The following ZNF346 variants were observed in gnomAD, a reference collection of about 807,000 sequenced individuals.
ZNF346 encodes zinc finger protein 346, also known as double-stranded RNA-binding zinc finger protein JAZ.
ZNF346 carries 23 observed loss-of-function variants against 33.7 expected under a neutral mutation model. The ratio of observed to expected loss-of-function variants is 0.68; its 90% confidence interval spans 0.49 to 0.97. The LOEUF is 0.97. ZNF346 is among the 50% of genes least tolerant of loss of function. The pLI is 0.00. For synonymous variants in ZNF346, 134 were observed against 142.4 expected, an observed-to-expected ratio of 0.94 and a Z score of 0.42; for missense variants, 340 against 371.1, an observed-to-expected ratio of 0.92 and a Z score of 0.69.
At chr5:177,044,848 C>T (rs1779824598) in intron 4 of ZNF346, among the ~76,000 whole-genome samples, 1 of 152,208 alleles carries the variant, frequency 6.6e-6, no homozygotes, top group South Asian at 2.1e-4. Flanking sequence ...TCTCCTACCT[C>T]TCCCACTAGA....
At chr5:177,071,546 CGTA>C (rs371024065), downstream of ZNF346, among the ~76,000 whole-genome samples, 797 of 151,470 alleles carry the variant, frequency 5.3e-3, 8 homozygotes, top group African/African-American at 0.019. Context: ...ATTAGCTGGT[CGTA>C]GTGGCGGGTG....
intron 3 of ZNF346, among the ~76,000 whole-genome samples, chr5:177,042,955 G>A (rs912369390): frequency 2.0e-5 from 3 of 152,074 alleles, no homozygotes; most frequent in African/African-American, 7.2e-5. Context: ...GGGTTCAGGC[G>A]ATTCCCCTGC....
intron 1 of ZNF346, chr5:177,023,240 C>T: frequency 6.5e-7 from 1 of 1,532,352 alleles, no homozygotes; most frequent in Non-Finnish European, 8.7e-7. Context: ...TCCCGGTAAG[C>T]CAAGCCGAGT....
chr5:177,029,657 A>G (rs1241486467), intron 1 of ZNF346, among the ~76,000 whole-genome samples: 1 of 152,216 alleles, frequency 6.6e-6, no homozygotes, highest in Non-Finnish European at 1.5e-5. Context: ...AAGAGGACCA[A>G]GATGGCGACT....
intron 8 of ZNF346, among the ~76,000 whole-genome samples, chr5:177,073,088 CTG>C: frequency 6.6e-6 from 1 of 152,300 alleles, no homozygotes; most frequent in East Asian, 1.9e-4. Flanking sequence ...CCTTAATATG[CTG>C]TGTTACGATG....
At chr5:177,052,548 C>G (rs1781100753) in intron 5 of ZNF346, 1 of 152,020 alleles carries the variant, frequency 6.6e-6, no homozygotes, top group Non-Finnish European at 1.5e-5. Context: ...AGATTTGGGC[C>G]AAGGACCCTT....
At chr5:177,041,985 C>T (rs1474688381) in intron 3 of ZNF346, 115 bp downstream of exon 3, 9 of 611,614 alleles carry the variant, frequency 1.5e-5, no homozygotes, top group Admixed American at 2.8e-5. Context: ...TTGTGTGACT[C>T]GGGCAAGTCT....
chr5:177,028,865 G>A (rs1451671247), intron 1 of ZNF346, among the ~76,000 whole-genome samples: 4 of 151,086 alleles, frequency 2.6e-5, no homozygotes, highest in African/African-American at 9.7e-5. Flanking sequence ...GACTATAGGC[G>A]CCCACCACCA....
downstream of ZNF346, among the ~76,000 whole-genome samples, chr5:177,070,481 G>A (rs992405504): frequency 2.6e-5 from 4 of 151,928 alleles, no homozygotes; most frequent in Admixed American, 2.0e-4. Context: ...GCGTAGTGGC[G>A]AAAACTCAGG....
intron 4 of ZNF346, 198 bp from the exon 5 acceptor site, chr5:177,050,553 A>G (rs931569746): frequency 3.3e-6 from 2 of 613,060 alleles, no homozygotes; most frequent in Non-Finnish European, 5.8e-6. Flanking sequence ...TTTCCCAATT[A>G]GAGAATGCAT....
At chr5:177,053,407 G>A (rs1480757983) in intron 5 of ZNF346, among the ~76,000 whole-genome samples, 2 of 150,202 alleles carry the variant, frequency 1.3e-5, no homozygotes, top group Non-Finnish European at 3.0e-5. Context: ...TACCTTGGCC[G>A]CCCAAAGGGC....
chr5:177,026,423 G>A (rs1165714942), intron 1 of ZNF346, among the ~76,000 whole-genome samples: 2 of 142,186 alleles, frequency 1.4e-5, no homozygotes, highest in African/African-American at 2.7e-5. Flanking sequence ...GTGGTGGCAC[G>A]ATCTCAGCTC....
intron 1 of ZNF346, among the ~76,000 whole-genome samples, chr5:177,030,428 G>A (rs1463733253): frequency 6.6e-6 from 1 of 151,574 alleles, no homozygotes; most frequent in Non-Finnish European, 1.5e-5. Context: ...AGACCAGCAT[G>A]GCCAATATGG....
Position 177,064,716 on chromosome 5 carries a change from G to T in ZNF346, c.*117G>T. On this transcript the variant is annotated 3_prime_UTR_variant, in exon 7 of 7. Coordinates refer to ENST00000358149, the MANE Select transcript of ZNF346 (RefSeq NM_012279.4). ...CACCAGGAAAGTACACGGGCCTGAG[G>T]CAGGATTGGGCCACAGACAGCCTCT... The T allele has an allele frequency of 1.3e-6, 1 of 783,738 alleles. No homozygotes were observed. Among genetic ancestry groups the T allele is most frequent in the Non-Finnish European group, 2.2e-6 (1 of 457,626 alleles). The allele number at this position is 783,738 out of a possible 1,614,324, so 48.5% of individuals were successfully genotyped here.
At chr5:177,055,708 A>G (rs1419689871) in intron 5 of ZNF346, among the ~76,000 whole-genome samples, 1 of 152,130 alleles carries the variant, frequency 6.6e-6, no homozygotes, top group African/African-American at 2.4e-5. Flanking sequence ...TAGGAGGCCA[A>G]GATAGGTGGA....
chr5:177,064,357 A>G (rs1388975265), intron 6 of ZNF346, among the ~76,000 whole-genome samples, 155 bp from the exon 7 acceptor site: 1 of 152,242 alleles, frequency 6.6e-6, no homozygotes, highest in Non-Finnish European at 1.5e-5. Context: ...ATGGAAGCTA[A>G]GCATCCAGCA....
chr5:177,045,807 T>C (rs1378130967), intron 4 of ZNF346, among the ~76,000 whole-genome samples: 1 of 151,976 alleles, frequency 6.6e-6, no homozygotes, highest in Admixed American at 6.6e-5. Flanking sequence ...AATTACACCT[T>C]TTTATCACAC....
intron 5 of ZNF346, among the ~76,000 whole-genome samples, chr5:177,060,180 G>C (rs1284291355): frequency 6.6e-6 from 1 of 152,146 alleles, no homozygotes; most frequent in Non-Finnish European, 1.5e-5. Context: ...TTTGGAGCCT[G>C]GGCAACATGG....
chr5:177,030,859 G>A (rs911758813), intron 1 of ZNF346, among the ~76,000 whole-genome samples: 4 of 147,824 alleles, frequency 2.7e-5, no homozygotes, highest in African/African-American at 1.0e-4. Context: ...AAATAGAATT[G>A]TATAAATATG....
Sources: gnomAD v4.1 joint callset for allele counts (sites outside exome capture counted in the v4.1 genomes callset) on GRCh38, gnomAD v4.1.1 for gene constraint, MANE v1.5 for transcripts, NCBI Gene and HGNC (gene_info 2026-07-23, HGNC 2026-07-21) for gene names.